MYO18A: variants seen among roughly 807,000 people sequenced by gnomAD.
The protein encoded by MYO18A is unconventional myosin-XVIIIa.
MYO18A carries 78 observed loss-of-function variants against 235.8 expected under a neutral mutation model. The ratio of observed to expected loss-of-function variants is 0.33; its 90% CI spans 0.28 to 0.40. The LOEUF is 0.40. MYO18A is among the 10% of genes least tolerant of loss of function. MYO18A has a pLI of 1.00. For synonymous variants in MYO18A, 977 were observed against 1,077.8 expected (o/e 0.91, Z 1.83); for missense variants, 2,215 against 2,699.3 (o/e 0.82, Z 3.98).
chr17:29,171,740 C>CA (rs1267457858), intron 1 of MYO18A, among the ~76,000 whole-genome samples: 2 of 151,748 alleles, frequency 1.3e-5, no homozygotes, highest in Non-Finnish European at 2.9e-5. Flanking sequence ...ACTCAAAATA[C>CA]AAAAAATTAT....
intron 2 of MYO18A, among the ~76,000 whole-genome samples, chr17:29,164,775 A>T (rs1169022538): frequency 6.6e-6 from 1 of 152,362 alleles, no homozygotes; most frequent in African/African-American, 2.4e-5. Context: ...CCCTGGGATT[A>T]GTGAGCTTGA....
In MYO18A at chr17:29,072,115, G is replaced by A. The variant is rs151128129; in HGVS notation, c.*2655C>T. 8.6e-5 allele frequency: 13 copies of A among 151,132 alleles called. No individual in the cohort carries two copies. The highest frequency in any genetic ancestry group is 2.9e-4 in the African/African-American group (12 of 41,184). 9.4% of individuals were successfully genotyped at this position (151,132 alleles called of 1,614,324 possible). A position where few individuals can be genotyped will look rare whatever the true frequency, so the allele number is the denominator to read the frequency against. ...AGGTGGCAGGGAGTTTGTCACACTA[G>A]TCCCTAGTAGAAACAGAAAATGTAC... On this transcript the variant is annotated 3_prime_UTR_variant, in exon 42 of 42. Coordinates refer to ENST00000527372, the MANE Select transcript of MYO18A (RefSeq NM_078471.4).
At chr17:29,122,398 G>C (rs1276786892) in intron 2 of MYO18A, 145 bp from the exon 3 acceptor site, 1 of 734,872 alleles carries the variant, frequency 1.4e-6, no homozygotes, top group Non-Finnish European at 2.3e-6. Context: ...AGAACACAGG[G>C]ACATCAGAGG....
Position 29,166,950 on chromosome 17 carries a change from G to A in MYO18A, c.-10C>T, listed in dbSNP as rs747417661. 4 of 1,524,656 alleles carry A rather than the reference G, an allele frequency of 2.6e-6. No homozygotes were observed. The African/African-American group carries it at 5.5e-5, about 21-fold the overall frequency. 94.4% of individuals were successfully genotyped at this position (1,524,656 alleles called of 1,614,324 possible). ...TCATTAGGTTAAACATGGTGGGGGTGCTGTTTGTAGGGGTAGCACCCCCAG... is the reference window on the plus strand; with the variant it reads ...TCATTAGGTTAAACATGGTGGGGGTACTGTTTGTAGGGGTAGCACCCCCAG... On this transcript the variant is annotated 5_prime_UTR_variant, in exon 2 of 42. Transcript: ENST00000527372.
chr17:29,155,800 A>G (rs569070377), intron 2 of MYO18A, among the ~76,000 whole-genome samples: 1 of 152,290 alleles, frequency 6.6e-6, no homozygotes, highest in South Asian at 2.1e-4. Context: ...CTTGTGGGAC[A>G]TGGCCAGCCT....
Position 29,073,902 on chromosome 17 carries a change from G to A in MYO18A, c.*868C>T. The A allele has an allele frequency of 5.6e-6, 9 of 1,612,240 alleles. No homozygotes were observed. The highest frequency in any genetic ancestry group is 6.8e-6 in the Non-Finnish European group (8 of 1,178,394). On this transcript the variant is annotated 3_prime_UTR_variant, in exon 42 of 42. Coordinates refer to ENST00000527372, the MANE Select transcript of MYO18A (RefSeq NM_078471.4). Reference sequence around the variant, plus strand: ...TTGAGTTTATGGTCCAGACCACCTGGACAGAGCAGGAGGGAGGCAGTGCTT... The same window carrying A: ...TTGAGTTTATGGTCCAGACCACCTGAACAGAGCAGGAGGGAGGCAGTGCTT...
At chr17:29,103,258 C>T (rs976735538) in intron 21 of MYO18A, among the ~76,000 whole-genome samples, 2 of 152,242 alleles carry the variant, frequency 1.3e-5, no homozygotes, top group Non-Finnish European at 2.9e-5. Context: ...TGGGTCCAGC[C>T]CTCCTGTCTC....
chr17:29,140,400 C>T lies in MYO18A; in HGVS notation c.1000-18147G>A. On this transcript the variant is annotated intron_variant, in intron 2 of 41. Transcript: ENST00000527372. This position sits in a 1 kb window ranked among gnomAD's most constrained non-coding sequence, Gnocchi z 4.2. ...AGACTCCGCTCTGATGCTGCTCTGG[C>T]TCCGTTAGCAGCTCAAAATAGCACA... 1 of 1,283,476 alleles carries T rather than the reference C, an allele frequency of 7.8e-7. No individual in the cohort carries two copies. The highest frequency in any genetic ancestry group is 1.2e-5 in the South Asian group (1 of 80,270). 79.5% of individuals were successfully genotyped at this position (1,283,476 alleles called of 1,614,324 possible). A position where few individuals can be genotyped will look rare whatever the true frequency, so the allele number is the denominator to read the frequency against.
rs1431288825 is a variant in MYO18A at position 29,103,656 on chromosome 17, C to T, written c.3450G>A (p.Glu1150=). Residue 1150 remains glutamate, a synonymous_variant, in exon 21 of 42, where the codon GAG becomes GAA. Transcript: ENST00000527372. ...CCAGATCCAAGCACTCCAGCAGCTC[C>T]TCCACTGCCTGTGGAGAGAGGCCTC... ...YIVVDERRAV[E]ELLECLDLEK... 3 of 1,613,648 alleles carry T rather than the reference C, an allele frequency of 1.9e-6. No individual in the cohort carries two copies. The highest frequency in any genetic ancestry group is 1.3e-5 in the African/African-American group (1 of 74,954).
intron 1 of MYO18A, among the ~76,000 whole-genome samples, chr17:29,169,263 G>A (rs2068348099): frequency 6.6e-6 from 1 of 152,066 alleles, no homozygotes; most frequent in South Asian, 2.1e-4. Flanking sequence ...TGTTAGCCAG[G>A]ATGGTCTCGA....
At chr17:29,103,763 C>A in intron 20 of MYO18A, 99 bp from the exon 21 acceptor site, 1 of 1,179,026 alleles carries the variant, frequency 8.5e-7, no homozygotes, top group South Asian at 1.3e-5. Context: ...TCCTCCTAGA[C>A]AGTCTGTTAT....
chr17:29,091,101 G>A (rs1390369257), intron 34 of MYO18A, 175 bp from the exon 35 acceptor site: 6 of 595,182 alleles, frequency 1.0e-5, no homozygotes, highest in African/African-American at 1.9e-5. Flanking sequence ...TCTGGACCAG[G>A]GAGATGAGGG....
intron 2 of MYO18A, chr17:29,128,678 TC>T: frequency 1.6e-6 from 1 of 635,996 alleles, no homozygotes; most frequent in Non-Finnish European, 2.2e-6. Context: ...AACACATGGC[TC>T]CACGAGGCTA....
At chr17:29,082,270 G>A in intron 41 of MYO18A, 46 bp downstream of exon 41, 2 of 1,611,958 alleles carry the variant, frequency 1.2e-6, no homozygotes, top group Non-Finnish European at 1.7e-6. Flanking sequence ...TCCATTCCTT[G>A]TGGCACAAGG....
intron 38 of MYO18A, 175 bp from the exon 39 acceptor site, chr17:29,086,752 G>T: frequency 8.8e-7 from 1 of 1,131,278 alleles, no homozygotes; most frequent in Non-Finnish European, 1.2e-6. Context: ...AGCCTCATCT[G>T]AGGGAGTCTC....
At chr17:29,107,375 T>C (rs2279956) in intron 19 of MYO18A, 186 bp from the exon 20 acceptor site, 332,433 of 594,570 alleles carry the variant, frequency 0.56, 97,001 homozygotes, top group East Asian at 0.89. Context: ...GAAGAGAAGG[T>C]CAGGAGGACA....
In MYO18A at chr17:29,158,013, C is replaced by A. The variant is rs1245482041; in HGVS notation, c.999+7929G>T. ...TTTGCCATGTTGCCCAGGCTGGTCTCAAACTCCTAGGCTCAAGCGATCTGC... is the reference window on the plus strand; with the variant it reads ...TTTGCCATGTTGCCCAGGCTGGTCTAAAACTCCTAGGCTCAAGCGATCTGC... On this transcript the variant is annotated intron_variant, in intron 2 of 41. Coordinates refer to ENST00000527372, the MANE Select transcript of MYO18A (RefSeq NM_078471.4). This position sits in a 1 kb window ranked among gnomAD's most constrained non-coding sequence, Gnocchi z 4.3. Among the ~76,000 whole-genome samples, 2 of 152,136 alleles carry A rather than the reference C, an allele frequency of 1.3e-5. No homozygotes were observed. Among genetic ancestry groups the A allele is most frequent in the Non-Finnish European group, 2.9e-5 (2 of 68,034 alleles).
rs1393596560 is a variant in MYO18A at position 29,092,876 on chromosome 17, C to T, written c.5052G>A (p.Glu1684=). The part of the protein sequence containing the change: ...HLKNSAPSKR[E]IAQLKNQLEE... ...ATACCTGGTTCTTGAGCTGGGCAAT[C>T]TCTCGCTTGCTGGGAGCACTGTTCT... The change falls in exon 33 of 42, where the codon GAG becomes GAA. Residue 1684 remains glutamate (E), a synonymous_variant. Transcript: ENST00000527372. 1 of 1,613,788 alleles carries T rather than the reference C, an allele frequency of 6.2e-7. No individual in the cohort carries two copies. The highest frequency in any genetic ancestry group is 2.2e-5 in the East Asian group (1 of 44,886).
At position 29,106,006 on chromosome 17, in the gene MYO18A, A is replaced by G. The variant is rs2066775830; in HGVS notation, c.3441+1074T>C. 6.6e-6 allele frequency among the ~76,000 whole-genome samples: 1 copy of G among 152,154 alleles called. No homozygotes were observed. Among genetic ancestry groups the G allele is most frequent in the Non-Finnish European group, 1.5e-5 (1 of 68,034 alleles). On this transcript the variant is annotated intron_variant, in intron 20 of 41. Transcript: ENST00000527372. This position sits in a 1 kb window ranked among gnomAD's most constrained non-coding sequence, Gnocchi z 4.6. ...CGAGTGACTGCAGAGTGAACCATGG[A>G]AAAGGAGACAATTCACAGAGAAATG...
Sources: gnomAD v4.1 joint callset for allele counts (sites outside exome capture counted in the v4.1 genomes callset) on GRCh38, gnomAD v4.1.1 for gene constraint, Gnocchi (gnomAD v3.1) non-coding constraint, MANE v1.5 for transcripts, NCBI Gene and HGNC (gene_info 2026-07-23, HGNC 2026-07-21) for gene names.